The following LIMS1 variants were observed in gnomAD, a reference collection of about 807,000 sequenced individuals.
The protein encoded by LIMS1 is LIM and senescent cell antigen-like-containing domain protein 1.
Under a neutral mutation model 44.1 loss-of-function variants are expected in LIMS1, and 18 were observed. That is an observed-to-expected ratio of 0.41 (90% confidence interval 0.28 to 0.61). LIMS1 has a LOEUF of 0.61. Ranked by LOEUF, LIMS1 falls within the 20% of genes least tolerant of loss-of-function variation. The pLI is 0.32. For missense variants in LIMS1, 201 were observed against 422.0 expected (o/e 0.48, Z 4.59); for synonymous variants, 93 against 149.1 (o/e 0.62, Z 2.74).
chr2:108,614,863 TTGTGGTTTATTTTTTAAG>T (rs1451701281), intron 1 of LIMS1, among the ~76,000 whole-genome samples: 1 of 152,154 alleles, frequency 6.6e-6, no homozygotes, highest in Non-Finnish European at 1.5e-5. Context: ...GGGGCAGGAA[TTGTGGTTTATTTTTTAAG>T]ACACACCCCT....
chr2:108,585,253 G>C lies in LIMS1; in HGVS notation c.32+50659G>C, dbSNP rs911567088. Among the ~76,000 whole-genome samples the C allele has an allele frequency of 3.3e-5, 5 of 152,046 alleles. No individual in the cohort carries two copies. In the East Asian group the frequency reaches 7.7e-4, roughly 23 times the overall value. On this transcript the variant is annotated intron_variant, in intron 1 of 9. Transcript: ENST00000544547. ...TCAGTGCAGTAGAGAATTTAAGCAG[G>C]GTAGTGATAGCAGGTTCCTTAGACC...
rs556868219 is a variant in LIMS1, at chr2:108,656,349, A to G, written c.33-3256A>G. Among the ~76,000 whole-genome samples, 7 of 151,486 alleles carry G rather than the reference A, an allele frequency of 4.6e-5. No homozygotes were observed. In the South Asian group the frequency reaches 1.5e-3, roughly 32 times the overall value. Reference sequence around the variant, plus strand: ...TAGATAGATAGATAGATAGATAGATAGATACTCCCCCACTTACATATTTCT... The same window carrying G: ...TAGATAGATAGATAGATAGATAGATGGATACTCCCCCACTTACATATTTCT... On this transcript the variant is annotated intron_variant, in intron 1 of 9. Transcript: ENST00000544547.
chr2:108,632,285 T>C (rs778449976), intron 1 of LIMS1, among the ~76,000 whole-genome samples: 4 of 152,206 alleles, frequency 2.6e-5, no homozygotes, highest in Non-Finnish European at 5.9e-5. Context: ...CTTTCCCTTT[T>C]TACTCTTTGG....
At chr2:108,566,222 A>G (rs770655376) in intron 1 of LIMS1, among the ~76,000 whole-genome samples, 4 of 152,146 alleles carry the variant, frequency 2.6e-5, no homozygotes, top group Admixed American at 2.0e-4. Context: ...CCTTTCTGCA[A>G]GTATTAAATG....
At chr2:108,662,189 C>A (rs763248087) in intron 2 of LIMS1, 1 of 1,612,006 alleles carries the variant, frequency 6.2e-7, no homozygotes, top group Non-Finnish European at 8.5e-7. Context: ...TAGCTCCAGC[C>A]CTCCGTCACC....
chr2:108,576,094 G>A (rs1558793716), intron 1 of LIMS1, among the ~76,000 whole-genome samples: 1 of 152,160 alleles, frequency 6.6e-6, no homozygotes, highest in South Asian at 2.1e-4. Context: ...ACTCATTTTA[G>A]TACTGTTCTT....
intron 2 of LIMS1, chr2:108,662,088 A>G (rs1333628312): frequency 6.6e-7 from 1 of 1,515,676 alleles, no homozygotes; most frequent in African/African-American, 1.4e-5. Flanking sequence ...CAGGGGAGCA[A>G]TAGAGAAGAA....
At chr2:108,673,080 A>G (rs534691391) in intron 5 of LIMS1, 51 bp downstream of exon 5, 27 of 1,214,436 alleles carry the variant, frequency 2.2e-5, no homozygotes, top group Admixed American at 5.3e-5. Flanking sequence ...ATGAAAGATT[A>G]CATTTATCTA....
chr2:108,634,803 G>A (rs1402536385), intron 1 of LIMS1, among the ~76,000 whole-genome samples: 4 of 152,364 alleles, frequency 2.6e-5, no homozygotes, highest in Admixed American at 1.3e-4. Context: ...AAGCCCTCAC[G>A]GCCAGGCGCA....
chr2:108,648,583 C>T (rs942426060), intron 1 of LIMS1, among the ~76,000 whole-genome samples: 4 of 152,130 alleles, frequency 2.6e-5, no homozygotes, highest in South Asian at 2.1e-4. Context: ...TTTGTTACTA[C>T]AAGGCTGTTT....
At chr2:108,604,706 C>CT (rs1239570336) in intron 1 of LIMS1, among the ~76,000 whole-genome samples, 1 of 152,170 alleles carries the variant, frequency 6.6e-6, no homozygotes, top group East Asian at 1.9e-4. Flanking sequence ...AGAGAGTTGT[C>CT]TAAGACCACC....
intron 2 of LIMS1, among the ~76,000 whole-genome samples, chr2:108,666,253 A>G (rs904043124): frequency 3.3e-5 from 5 of 152,068 alleles, no homozygotes; most frequent in Non-Finnish European, 7.3e-5. Context: ...TTCTGGTTCT[A>G]TTAATTTGCT....
At chr2:108,673,973 A>G (rs1277420771) in intron 5 of LIMS1, 1 of 152,216 alleles carries the variant, frequency 6.6e-6, no homozygotes, top group Admixed American at 6.5e-5. Context: ...TCAATAAGTT[A>G]TGATAAATTG....
chr2:108,555,936 A>C lies in LIMS1; in HGVS notation c.32+21342A>C, dbSNP rs115875184. ...TGGAGGTAGATTGGAAATGCTTTGA[A>C]AACTTGACTCTTTTTTGCCCGGTTT... On this transcript the variant is annotated intron_variant, in intron 1 of 9. Coordinates refer to ENST00000544547, the Ensembl canonical transcript of LIMS1. 5.4e-3 allele frequency among the ~76,000 whole-genome samples: 821 copies of C among 152,174 alleles called. 3 individuals carry two copies. The highest frequency in any genetic ancestry group is 7.7e-3 in the Non-Finnish European group (526 of 68,006).
chr2:108,576,479 C>T (rs979918025), intron 1 of LIMS1, among the ~76,000 whole-genome samples: 2 of 152,126 alleles, frequency 1.3e-5, no homozygotes, highest in Non-Finnish European at 2.9e-5. Flanking sequence ...TGGCTCACTG[C>T]GACCTCTGCC....
intron 1 of LIMS1, among the ~76,000 whole-genome samples, chr2:108,626,443 A>G (rs1156945767): frequency 6.6e-6 from 1 of 152,206 alleles, no homozygotes; most frequent in African/African-American, 2.4e-5. Context: ...AAAAGTTCAT[A>G]GTGCTTACTC....
chr2:108,599,729 C>T (rs1180722877), intron 1 of LIMS1, among the ~76,000 whole-genome samples: 14 of 152,126 alleles, frequency 9.2e-5, no homozygotes, highest in African/African-American at 3.4e-4. Flanking sequence ...TTAACTGGGG[C>T]GAGATGAGAT....
At chr2:108,676,183 T>G (rs1692551416) in intron 6 of LIMS1, among the ~76,000 whole-genome samples, 155 bp downstream of exon 6, 1 of 152,220 alleles carries the variant, frequency 6.6e-6, no homozygotes, top group South Asian at 2.1e-4. Context: ...CTCTAAAGAT[T>G]AAACGTGGAC....
intron 1 of LIMS1, chr2:108,588,750 T>A: frequency 3.1e-6 from 1 of 323,866 alleles, no homozygotes; most frequent in Non-Finnish European, 4.4e-6. Context: ...TGAGTTGTAG[T>A]AACCTTCAGC....
Sources: gnomAD v4.1 joint callset for allele counts (sites outside exome capture counted in the v4.1 genomes callset) on GRCh38, gnomAD v4.1.1 for gene constraint, MANE v1.5 for transcripts, NCBI Gene and HGNC (gene_info 2026-07-23, HGNC 2026-07-21) for gene names.